KCND2: variants seen among roughly 807,000 people sequenced by gnomAD.
KCND2 encodes potassium voltage-gated channel subfamily D member 2.
In KCND2, 16 loss-of-function variants were observed where a neutral mutation model predicts 54.4. The ratio of observed to expected loss-of-function variants is 0.29; its 90% CI spans 0.20 to 0.45. KCND2 has a LOEUF of 0.45. KCND2 is among the 20% of genes least tolerant of loss of function. The pLI is 1.00. For synonymous variants in KCND2, 317 were observed against 310.7 expected (o/e 1.02, Z -0.21); for missense variants, 486 against 824.2 (o/e 0.59, Z 5.02).
intron 1 of KCND2, among the ~76,000 whole-genome samples, chr7:120,723,782 G>C (rs916381062): frequency 2.0e-5 from 3 of 152,130 alleles, no homozygotes; most frequent in African/African-American, 7.2e-5. Flanking sequence ...ATAGATTCAT[G>C]TTTGTTAAGT....
chr7:120,404,328 C>T (rs1287248866), intron 1 of KCND2, among the ~76,000 whole-genome samples: 1 of 152,106 alleles, frequency 6.6e-6, no homozygotes, highest in Non-Finnish European at 1.5e-5. Flanking sequence ...TAGTACATGT[C>T]ATTTTTTCCA....
At chr7:120,536,348 C>T (rs2116372652) in intron 1 of KCND2, among the ~76,000 whole-genome samples, 1 of 152,202 alleles carries the variant, frequency 6.6e-6, no homozygotes. Context: ...TGGTTGCTGA[C>T]TGATCACGGT....
At chr7:120,413,489 C>G (rs1442451074) in intron 1 of KCND2, among the ~76,000 whole-genome samples, 1 of 151,588 alleles carries the variant, frequency 6.6e-6, no homozygotes, top group Non-Finnish European at 1.5e-5. Context: ...TATTTGTGTT[C>G]AAAATATATG....
At chr7:120,426,128 A>T (rs1480998503) in intron 1 of KCND2, among the ~76,000 whole-genome samples, 1 of 152,012 alleles carries the variant, frequency 6.6e-6, no homozygotes, top group Non-Finnish European at 1.5e-5. Flanking sequence ...ACATAATTAA[A>T]CTTGTATGTA....
At chr7:120,365,519 A>T (rs1485265920) in intron 1 of KCND2, among the ~76,000 whole-genome samples, 1 of 152,134 alleles carries the variant, frequency 6.6e-6, no homozygotes, top group Non-Finnish European at 1.5e-5. Flanking sequence ...GGAGGACAGA[A>T]GAGGCAGAAA....
intron 1 of KCND2, among the ~76,000 whole-genome samples, chr7:120,506,934 A>C (rs1224813882): frequency 6.6e-6 from 1 of 151,776 alleles, no homozygotes; most frequent in African/African-American, 2.4e-5. Context: ...TTTTCTGAAG[A>C]AAGCCCACAA....
intron 1 of KCND2, among the ~76,000 whole-genome samples, chr7:120,645,932 A>T (rs912965705): frequency 2.1e-4 from 32 of 152,234 alleles, no homozygotes; most frequent in African/African-American, 7.5e-4. Context: ...CTCTCCTTTA[A>T]TAAACACTGG....
intron 1 of KCND2, among the ~76,000 whole-genome samples, chr7:120,492,951 T>C (rs1359897847): frequency 1.3e-5 from 2 of 151,994 alleles, no homozygotes; most frequent in African/African-American, 4.8e-5. Flanking sequence ...GAATATATAT[T>C]GCTTCCCACC....
rs530251931 is a variant in KCND2 at position 120,549,343 on chromosome 7, T to A, written c.1116-183560T>A. Among the ~76,000 whole-genome samples the A allele has an allele frequency of 2.6e-5, 4 of 152,280 alleles. No homozygotes were observed. In the South Asian group the frequency reaches 8.3e-4, roughly 32 times the overall value. ...CAAGGATTTATAGAAATTAGCTATTTTCTATTGAGGACATAGATGAAAGAT... is the reference window on the plus strand; with the variant it reads ...CAAGGATTTATAGAAATTAGCTATTATCTATTGAGGACATAGATGAAAGAT... On this transcript the variant is annotated intron_variant, in intron 1 of 5. Coordinates refer to ENST00000331113, the MANE Select transcript of KCND2 (RefSeq NM_012281.3).
intron 1 of KCND2, among the ~76,000 whole-genome samples, chr7:120,375,772 TATG>T (rs1800828079): frequency 6.6e-6 from 1 of 151,932 alleles, no homozygotes; most frequent in Admixed American, 6.6e-5. Flanking sequence ...TTGTAATGAT[TATG>T]ATATTACTCC....
intron 1 of KCND2, among the ~76,000 whole-genome samples, chr7:120,539,988 A>T (rs572291181): frequency 6.6e-4 from 101 of 152,260 alleles, no homozygotes; most frequent in African/African-American, 2.1e-3. Flanking sequence ...GAGGGCTTAA[A>T]ATATGGAAAG....
chr7:120,563,503 C>T (rs1022382147), intron 1 of KCND2, among the ~76,000 whole-genome samples: 3 of 152,152 alleles, frequency 2.0e-5, no homozygotes, highest in South Asian at 2.1e-4. Flanking sequence ...GCTTTCAATT[C>T]TGCTCCGTCT....
At chr7:120,284,813 C>T (rs1050040070) in intron 1 of KCND2, among the ~76,000 whole-genome samples, 1 of 152,082 alleles carries the variant, frequency 6.6e-6, no homozygotes, top group African/African-American at 2.4e-5. Context: ...GAGGGTTCCC[C>T]CATTATATTT....
intron 1 of KCND2, among the ~76,000 whole-genome samples, chr7:120,716,035 G>T (rs769743659): frequency 6.6e-6 from 1 of 151,694 alleles, no homozygotes; most frequent in Non-Finnish European, 1.5e-5. Flanking sequence ...TTTTTTACTC[G>T]GTAAGGCTAA....
intron 1 of KCND2, among the ~76,000 whole-genome samples, chr7:120,450,566 A>G (rs2116216217): frequency 6.6e-6 from 1 of 152,326 alleles, no homozygotes; most frequent in East Asian, 1.9e-4. Flanking sequence ...TTTATGTGGG[A>G]AAGACACTAA....
chr7:120,710,645 T>C (rs907898138), intron 1 of KCND2, among the ~76,000 whole-genome samples: 1 of 152,130 alleles, frequency 6.6e-6, no homozygotes, highest in African/African-American at 2.4e-5. Context: ...CCATCACAGT[T>C]TGGAATTGTC....
chr7:120,390,224 C>A, intron 1 of KCND2, among the ~76,000 whole-genome samples: 1 of 149,610 alleles, frequency 6.7e-6, no homozygotes, highest in Non-Finnish European at 1.5e-5. Flanking sequence ...ATTTTTACTA[C>A]CTGGTTCCAT....
chr7:120,659,498 C>G (rs1390214767), intron 1 of KCND2, among the ~76,000 whole-genome samples: 1 of 152,058 alleles, frequency 6.6e-6, no homozygotes, highest in African/African-American at 2.4e-5. Context: ...TATTTAAATT[C>G]CGTATATACA....
At chr7:120,554,360 A>C (rs576981355) in intron 1 of KCND2, among the ~76,000 whole-genome samples, 1 of 152,230 alleles carries the variant, frequency 6.6e-6, no homozygotes, top group Non-Finnish European at 1.5e-5. Context: ...GCTGGCATCC[A>C]GCCCCAGAGT....
Sources: allele counts gnomAD v4.1 joint callset (sites outside exome capture counted in the v4.1 genomes callset), GRCh38; gene constraint gnomAD v4.1.1; transcripts MANE v1.5; gene names NCBI Gene and HGNC (gene_info 2026-07-23, HGNC 2026-07-21).